PPARGC1A: variants seen among roughly 807,000 people sequenced by gnomAD.
PPARGC1A encodes PPARG coactivator 1 alpha.
PPARGC1A carries 25 observed loss-of-function variants against 88.7 expected under a neutral mutation model. The ratio of observed to expected loss-of-function variants is 0.28; its 90% CI spans 0.21 to 0.39. The LOEUF (loss-of-function observed/expected upper bound fraction) is 0.39, where lower values mean the gene tolerates loss of function less well. Among genes scored for constraint, PPARGC1A ranks in the 10% least tolerant of loss-of-function variants. The pLI, the probability that PPARGC1A is intolerant of heterozygous loss-of-function variation, is 1.00. For synonymous variants in PPARGC1A, 363 were observed against 355.6 expected, an observed-to-expected ratio of 1.02 and a Z score of -0.24; for missense variants, 880 against 968.7, an observed-to-expected ratio of 0.91 and a Z score of 1.22.
the PPARGC1A span, among the ~76,000 whole-genome samples, chr4:24,263,681 T>C: frequency 0.068 from 10,375 of 152,302 alleles, 392 homozygotes; most frequent in Middle Eastern, 0.095. Context: ...AATGTGAAGA[T>C]GATGAGGATG....
chr4:23,816,188 A>G (rs1721955951), intron 7 of PPARGC1A, among the ~76,000 whole-genome samples: 1 of 152,176 alleles, frequency 6.6e-6, no homozygotes, highest in African/African-American at 2.4e-5. Flanking sequence ...GAGAAATGCA[A>G]ACACAAAGTG....
chr4:24,081,789 T>C, the PPARGC1A span, among the ~76,000 whole-genome samples: 2 of 151,884 alleles, frequency 1.3e-5, no homozygotes, highest in Non-Finnish European at 2.9e-5. Context: ...CCTTGACCAG[T>C]GAACAGAGAG....
chr4:23,833,026 T>A (rs1725327699), intron 2 of PPARGC1A, among the ~76,000 whole-genome samples: 1 of 152,184 alleles, frequency 6.6e-6, no homozygotes, highest in Non-Finnish European at 1.5e-5. Context: ...TTAACAAACA[T>A]TTTTGAACAT....
upstream of PPARGC1A, among the ~76,000 whole-genome samples, chr4:23,893,690 C>G (rs1281091724): frequency 6.6e-6 from 1 of 152,146 alleles, no homozygotes; most frequent in African/African-American, 2.4e-5. Context: ...GAATACAGTT[C>G]ATAAGCACAT....
rs56703791 is a variant in PPARGC1A, at chr4:23,817,474, A to G, written c.878-2869T>C. ...GGACTCAGCCTCCAGGGACTTCACA[A>G]TCGATTTTAATAGAAAAGCGCTTCT... On this transcript the variant is annotated intron_variant, in intron 7 of 12. Coordinates refer to ENST00000264867, the MANE Select transcript of PPARGC1A (RefSeq NM_013261.5). Among the ~76,000 whole-genome samples the G allele has an allele frequency of 6.6e-3, 998 of 152,236 alleles. 6 individuals are homozygous for G. The highest frequency in any genetic ancestry group is 0.021 in the African/African-American group (885 of 41,554).
the PPARGC1A span, among the ~76,000 whole-genome samples, chr4:24,102,864 C>T: frequency 6.6e-6 from 1 of 152,118 alleles, no homozygotes; most frequent in Admixed American, 6.6e-5. Context: ...CAGCTAAAGC[C>T]GAGGCTGCCA....
At chr4:24,432,736 G>A in the PPARGC1A span, among the ~76,000 whole-genome samples, 1 of 152,068 alleles carries the variant, frequency 6.6e-6, no homozygotes, top group Non-Finnish European at 1.5e-5. Flanking sequence ...CTACAACTGG[G>A]GACTGTAATA....
the PPARGC1A span, among the ~76,000 whole-genome samples, chr4:24,323,534 G>C: frequency 3.9e-5 from 6 of 151,932 alleles, no homozygotes; most frequent in African/African-American, 1.5e-4. Flanking sequence ...CTGCCCACCA[G>C]AGAACAACCC....
Position 23,835,166 on chromosome 4 carries a change from C to T in PPARGC1A, c.235-3415G>A, listed in dbSNP as rs527608457. Among the ~76,000 whole-genome samples the T allele has an allele frequency of 3.9e-5, 6 of 152,240 alleles. No individual in the cohort carries two copies. The East Asian group carries it at 9.7e-4, about 24-fold the overall frequency. ...TTGGCTTTCCAGCAATACTACAAGC[C>T]GTTATTTGCTTTCAATCACATAATA... On this transcript the variant is annotated intron_variant, in intron 2 of 12. Transcript: ENST00000264867.
the PPARGC1A span, among the ~76,000 whole-genome samples, chr4:23,929,844 T>C: frequency 1.5e-4 from 23 of 152,334 alleles, no homozygotes. Context: ...TTATTTAGCA[T>C]TCATTGCGCC....
the PPARGC1A span, among the ~76,000 whole-genome samples, chr4:24,351,816 TG>T: frequency 7.2e-5 from 11 of 152,234 alleles, no homozygotes; most frequent in South Asian, 1.2e-3. Flanking sequence ...TCACAGGGTT[TG>T]TTTTTTTGTT....
At chr4:24,463,294 C>T in the PPARGC1A span, among the ~76,000 whole-genome samples, 7 of 152,102 alleles carry the variant, frequency 4.6e-5, no homozygotes, top group Non-Finnish European at 5.9e-5. Flanking sequence ...CCAAAAATAA[C>T]AAAAAGCAAA....
At chr4:23,943,039 T>C in the PPARGC1A span, among the ~76,000 whole-genome samples, 1 of 152,226 alleles carries the variant, frequency 6.6e-6, no homozygotes, top group Admixed American at 6.5e-5. Context: ...TTTTTTTATG[T>C]TGCCTTCATC....
the PPARGC1A span, among the ~76,000 whole-genome samples, chr4:23,950,928 A>G: frequency 6.6e-6 from 1 of 152,132 alleles, no homozygotes; most frequent in Non-Finnish European, 1.5e-5. Context: ...AGATAATTAA[A>G]TTTTACACAT....
At chr4:24,026,454 A>G in the PPARGC1A span, among the ~76,000 whole-genome samples, 22,304 of 152,170 alleles carry the variant, frequency 0.15, 1,787 homozygotes, top group South Asian at 0.21. Context: ...TTCCTTTTCT[A>G]TAGAATAAAG....
the PPARGC1A span, among the ~76,000 whole-genome samples, chr4:23,976,473 G>T: frequency 1.8e-4 from 27 of 152,274 alleles, no homozygotes; most frequent in African/African-American, 5.8e-4. Flanking sequence ...TTCATACGAT[G>T]GCCTGAATTG....
At chr4:24,393,487 A>T in the PPARGC1A span, among the ~76,000 whole-genome samples, 1 of 152,350 alleles carries the variant, frequency 6.6e-6, no homozygotes, top group East Asian at 1.9e-4. Context: ...CTGCATGGTA[A>T]TAGTATTAAA....
chr4:24,131,159 A>G, the PPARGC1A span, among the ~76,000 whole-genome samples: 1 of 152,164 alleles, frequency 6.6e-6, no homozygotes, highest in Non-Finnish European at 1.5e-5. Context: ...GCACAGTGCC[A>G]GGCACACAGT....
chr4:23,816,544 A>T (rs899771673), intron 7 of PPARGC1A, among the ~76,000 whole-genome samples: 40 of 78,036 alleles, frequency 5.1e-4, no homozygotes, highest in African/African-American at 9.1e-4. Flanking sequence ...CAGCGAGATA[A>T]AAAAAAAAGC....
Sources: allele counts gnomAD v4.1 joint callset (sites outside exome capture counted in the v4.1 genomes callset), GRCh38; gene constraint gnomAD v4.1.1; transcripts MANE v1.5; gene names NCBI Gene and HGNC (gene_info 2026-07-23, HGNC 2026-07-21).